TMED5: variants seen among roughly 807,000 people sequenced by gnomAD.
TMED5 encodes the protein transmembrane emp24 domain-containing protein 5.
In TMED5, 27 loss-of-function variants were observed where a neutral mutation model predicts 23.0. That is an observed-to-expected ratio of 1.17 (90% CI 0.86 to 1.62). The LOEUF (loss-of-function observed/expected upper bound fraction) is 1.62, where lower values mean the gene tolerates loss of function less well. Among genes scored for constraint, TMED5 ranks in the 40% most tolerant of loss-of-function variants. The pLI is 0.00. For synonymous variants in TMED5, 97 were observed against 100.8 expected, an observed-to-expected ratio of 0.96 and a Z score of 0.23; for missense variants, 248 against 273.7, an observed-to-expected ratio of 0.91 and a Z score of 0.66.
intron 1 of TMED5, 31 bp from the exon 2 acceptor site, chr1:93,160,257 T>C (rs757888713): frequency 5.2e-6 from 7 of 1,346,756 alleles, no homozygotes; most frequent in Admixed American, 3.6e-5. Context: ...GAAAAACATA[T>C]ATTACAAATT....
At chr1:93,175,782 A>G (rs1296667958) in intron 1 of TMED5, among the ~76,000 whole-genome samples, 1 of 152,192 alleles carries the variant, frequency 6.6e-6, no homozygotes, top group East Asian at 1.9e-4. Flanking sequence ...CATGTTTGGT[A>G]AACGTCTGGT....
chr1:93,170,605 G>A (rs1648691114), intron 1 of TMED5, among the ~76,000 whole-genome samples: 1 of 152,262 alleles, frequency 6.6e-6, no homozygotes. Flanking sequence ...CAAGGGCTGA[G>A]GAGTGCAGGC....
Position 93,154,487 on chromosome 1 carries a change from CA to C in TMED5, c.*182del, listed in dbSNP as rs1375495953. The C allele has an allele frequency of 1.7e-5, 10 of 593,196 alleles. No homozygotes were observed. In the Admixed American group the frequency reaches 3.1e-4, roughly 18 times the overall value. The allele number at this position is 593,196 out of a possible 1,614,324, so 36.7% of individuals were successfully genotyped here. A position where few individuals can be genotyped will look rare whatever the true frequency, so the allele number is the denominator to read the frequency against. ...AATATTCCTGTTACACACTTAAGTA[CA>C]ACTGGATCAGCAGGATTACTTGCAC... On this transcript the variant is annotated 3_prime_UTR_variant, in exon 4 of 4. Coordinates refer to ENST00000370282, the MANE Select transcript of TMED5 (RefSeq NM_016040.5).
intron 1 of TMED5, among the ~76,000 whole-genome samples, chr1:93,174,921 T>C (rs1339340644): frequency 6.6e-6 from 1 of 151,906 alleles, no homozygotes; most frequent in Non-Finnish European, 1.5e-5. Flanking sequence ...TCCATGTCTT[T>C]GCTATTGTGA....
chr1:93,176,268 G>T (rs996199510), intron 1 of TMED5, among the ~76,000 whole-genome samples: 7 of 151,970 alleles, frequency 4.6e-5, no homozygotes, highest in East Asian at 1.9e-4. Flanking sequence ...GCACGTTGTT[G>T]TTCTTTTTTA....
At chr1:93,156,526 A>G in intron 2 of TMED5, 43 bp from the exon 3 acceptor site, 3 of 1,516,494 alleles carry the variant, frequency 2.0e-6, no homozygotes, top group South Asian at 1.1e-5. Context: ...CTGTATTTCT[A>G]TTTGTGATGA....
chr1:93,166,690 A>G (rs551440573), intron 1 of TMED5, among the ~76,000 whole-genome samples: 1 of 152,178 alleles, frequency 6.6e-6, no homozygotes, highest in South Asian at 2.1e-4. Flanking sequence ...TAGTTTGCAA[A>G]TATTTTCTCT....
intron 1 of TMED5, among the ~76,000 whole-genome samples, chr1:93,170,436 C>T (rs1399225309): frequency 6.6e-6 from 1 of 152,216 alleles, no homozygotes; most frequent in African/African-American, 2.4e-5. Flanking sequence ...CTCGATTTCT[C>T]GCAGGACCTT....
intron 1 of TMED5, 101 bp from the exon 2 acceptor site, chr1:93,160,327 A>G: frequency 1.6e-6 from 1 of 632,738 alleles, no homozygotes; most frequent in South Asian, 2.4e-5. Flanking sequence ...TAAGCTAGAG[A>G]GGTAAGAAAG....
intron 1 of TMED5, among the ~76,000 whole-genome samples, chr1:93,170,015 G>T (rs1161632499): frequency 6.6e-6 from 1 of 152,094 alleles, no homozygotes; most frequent in Non-Finnish European, 1.5e-5. Context: ...CTGCTGTGAG[G>T]TATGATCGTG....
chr1:93,179,828 G>A (rs1040593832), intron 1 of TMED5: 2 of 511,714 alleles, frequency 3.9e-6, no homozygotes, highest in South Asian at 5.3e-5. Flanking sequence ...GGAAAGGGGA[G>A]AAGGCGGGTA....
At chr1:93,172,540 C>T (rs561726464) in intron 1 of TMED5, among the ~76,000 whole-genome samples, 65 of 152,224 alleles carry the variant, frequency 4.3e-4, no homozygotes, top group African/African-American at 1.5e-3. Context: ...CCAGTAATCC[C>T]AGCTACTCAG....
At chr1:93,166,043 C>T (rs557548838) in intron 1 of TMED5, among the ~76,000 whole-genome samples, 2 of 152,356 alleles carry the variant, frequency 1.3e-5, no homozygotes, top group Non-Finnish European at 2.9e-5. Flanking sequence ...GCTTATTTCA[C>T]TTAGCATAAT....
In TMED5 at chr1:93,150,511, A is replaced by G. The variant is rs1029437762; in HGVS notation, c.*4159T>C. ...ATATGTTAAATGTATGTTTAGTTTT[A>G]TAAGAAACTGCCAAGAATATTTTCC... On this transcript the variant is annotated 3_prime_UTR_variant, in exon 4 of 4. Coordinates refer to ENST00000370282, the MANE Select transcript of TMED5 (RefSeq NM_016040.5). The G allele has an allele frequency of 6.6e-6, 1 of 152,240 alleles. No individual in the cohort carries two copies. The highest frequency in any genetic ancestry group is 1.5e-5 in the Non-Finnish European group (1 of 68,040). 9.4% of individuals were successfully genotyped at this position (152,240 alleles called of 1,614,324 possible).
intron 1 of TMED5, among the ~76,000 whole-genome samples, chr1:93,174,422 T>C (rs1223729398): frequency 6.6e-6 from 1 of 152,142 alleles, no homozygotes; most frequent in Non-Finnish European, 1.5e-5. Flanking sequence ...GAAGTGGGAG[T>C]ATCACTTGTG....
chr1:93,177,589 A>AG (rs1648963807), intron 1 of TMED5, among the ~76,000 whole-genome samples: 1 of 148,306 alleles, frequency 6.7e-6, no homozygotes, highest in Admixed American at 6.7e-5. Flanking sequence ...TGTCTCAAAA[A>AG]AAAAAAAAAA....
In TMED5 at chr1:93,151,642, T is replaced by C. The variant is rs1279292477; in HGVS notation, c.*3028A>G. 2 of 152,204 alleles carry C rather than the reference T, an allele frequency of 1.3e-5. No individual in the cohort carries two copies. Among genetic ancestry groups the C allele is most frequent in the African/African-American group, 4.8e-5 (2 of 41,454 alleles). 9.4% of individuals were successfully genotyped at this position (152,204 alleles called of 1,614,324 possible). A position where few individuals can be genotyped will look rare whatever the true frequency, so the allele number is the denominator to read the frequency against. On this transcript the variant is annotated 3_prime_UTR_variant, in exon 4 of 4. Transcript: ENST00000370282. ...CCTTTCATATATTTTGAGCAAAAAC[T>C]GTACCTTTTAGGAACAGTGCATGTT...
chr1:93,161,003 C>T (rs929025938), intron 1 of TMED5: 1 of 152,132 alleles, frequency 6.6e-6, no homozygotes, highest in Non-Finnish European at 1.5e-5. Flanking sequence ...TACTACTTCC[C>T]AGTATGAATT....
At chr1:93,167,078 T>A (rs145741908) in intron 1 of TMED5, among the ~76,000 whole-genome samples, 236 of 152,300 alleles carry the variant, frequency 1.5e-3, no homozygotes, top group Non-Finnish European at 3.0e-3. Flanking sequence ...TGTAAGTGTA[T>A]AGGTTTGTTT....
Sources: gnomAD v4.1 joint callset for allele counts (sites outside exome capture counted in the v4.1 genomes callset) on GRCh38, gnomAD v4.1.1 for gene constraint, MANE v1.5 for transcripts, NCBI Gene and HGNC (gene_info 2026-07-23, HGNC 2026-07-21) for gene names.